The following SDK2 variants were observed in gnomAD, a reference collection of about 807,000 sequenced individuals.
SDK2 encodes sidekick cell adhesion molecule 2.
SDK2 carries 105 observed loss-of-function variants against 253.9 expected under a neutral mutation model. The observed-to-expected ratio is 0.41, with a 90% CI of 0.35 to 0.49. The LOEUF is 0.49. Among genes scored for constraint, SDK2 ranks in the 20% least tolerant of loss-of-function variants. SDK2 has a pLI of 0.06. For synonymous variants in SDK2, 1,249 were observed against 1,234.9 expected (o/e 1.01, Z -0.24); for missense variants, 2,608 against 3,003.0 (o/e 0.87, Z 3.07).
chr17:73,393,176 C>T (rs1268200396), intron 27 of SDK2, among the ~76,000 whole-genome samples: 3 of 123,350 alleles, frequency 2.4e-5, no homozygotes, highest in East Asian at 2.8e-4. Flanking sequence ...ACCTGGGAGG[C>T]GGAGGTTGTA....
intron 3 of SDK2, among the ~76,000 whole-genome samples, chr17:73,463,573 T>C (rs6501642): frequency 0.99 from 150,666 of 152,300 alleles, 74,539 homozygotes; most frequent in Middle Eastern, 1. Context: ...AATATTGAGG[T>C]CATGTGCCTT....
intron 3 of SDK2, among the ~76,000 whole-genome samples, chr17:73,464,557 C>A (rs1165285122): frequency 6.6e-6 from 1 of 152,216 alleles, no homozygotes; most frequent in African/African-American, 2.4e-5. Flanking sequence ...CGGGATCTGT[C>A]CCCAAGTTCT....
At chr17:73,469,126 C>G (rs916067777) in intron 3 of SDK2, among the ~76,000 whole-genome samples, 2 of 152,146 alleles carry the variant, frequency 1.3e-5, no homozygotes, top group Admixed American at 1.3e-4. Context: ...CCTGGCCAGA[C>G]CACTCTTTTT....
In SDK2 at chr17:73,423,388, T is replaced by G; in HGVS notation, c.1895A>C (p.Asn632Thr). The G allele has an allele frequency of 6.8e-7, 1 of 1,472,270 alleles. No homozygotes were observed. The highest frequency in any genetic ancestry group is 1.4e-5 in the African/African-American group (1 of 71,116). The allele number at this position is 1,472,270 out of a possible 1,614,324, so 91.2% of individuals were successfully genotyped here. A position where few individuals can be genotyped will look rare whatever the true frequency, so the allele number is the denominator to read the frequency against. ...GGAGGTGACCACGGGAAGCTTACTG[T>G]TCTCCGACATCTCCAGAATGTAGCG... ...LIRYILEMSE[N>T]NAPWTVLLAS... The change falls in exon 14 of 45, where the codon AAC becomes ACC. Residue 632 changes from asparagine (N) to threonine (T), a missense_variant and splice_region_variant. Asn to Thr is a moderately conservative substitution (Grantham distance 65, BLOSUM62 0). This residue lies in a region of SDK2 where 1,505 missense variants were observed against 1,859.1 expected (regional missense o/e 0.81). Coordinates refer to ENST00000392650, the MANE Select transcript of SDK2 (RefSeq NM_001144952.2).
intron 1 of SDK2, among the ~76,000 whole-genome samples, chr17:73,561,084 GC>G (rs2045225726): frequency 1.3e-5 from 2 of 152,192 alleles, no homozygotes; most frequent in South Asian, 4.1e-4. Flanking sequence ...TGGTCACTCT[GC>G]CCAAGCTTTT....
intron 1 of SDK2, among the ~76,000 whole-genome samples, chr17:73,584,812 C>T (rs1261966061): frequency 6.6e-6 from 1 of 152,244 alleles, no homozygotes; most frequent in African/African-American, 2.4e-5. Flanking sequence ...CTGCAGGGTT[C>T]CCCTGCCTCT....
At chr17:73,386,102 G>A (rs1249136426) in intron 31 of SDK2, among the ~76,000 whole-genome samples, 185 bp from the exon 32 acceptor site, 6 of 152,178 alleles carry the variant, frequency 3.9e-5, no homozygotes. Flanking sequence ...GGGAGGGACT[G>A]TGAGCTGACT....
rs1029900985 is a variant in SDK2, at chr17:73,620,870, G to A, written c.64+23155C>T. 6.6e-5 allele frequency among the ~76,000 whole-genome samples: 10 copies of A among 152,200 alleles called. No individual in the cohort carries two copies. The East Asian group carries it at 9.6e-4, about 15-fold the overall frequency. On this transcript the variant is annotated intron_variant, in intron 1 of 44. Coordinates refer to ENST00000392650, the MANE Select transcript of SDK2 (RefSeq NM_001144952.2). ...GCCAGGGGCTGGAAAGGAGTGGGGA[G>A]CAACTGCTTAATGGGTAAGGGGTTT...
intron 2 of SDK2, among the ~76,000 whole-genome samples, chr17:73,502,874 G>T (rs999277033): frequency 6.6e-6 from 1 of 152,186 alleles, no homozygotes; most frequent in African/African-American, 2.4e-5. Context: ...TTTTGACAAT[G>T]GAGAAATCTG....
intron 36 of SDK2, among the ~76,000 whole-genome samples, chr17:73,375,092 C>T (rs2062766510): frequency 6.6e-6 from 1 of 152,128 alleles, no homozygotes; most frequent in African/African-American, 2.4e-5. Flanking sequence ...ACAAGGCTCT[C>T]CGTATACCCC....
intron 18 of SDK2, among the ~76,000 whole-genome samples, chr17:73,409,427 G>C (rs893778579): frequency 6.6e-6 from 1 of 151,440 alleles, no homozygotes; most frequent in Non-Finnish European, 1.5e-5. Flanking sequence ...GTTGCAGTGA[G>C]CCGAGATCCA....
chr17:73,550,042 C>T (rs553072677), intron 1 of SDK2, among the ~76,000 whole-genome samples: 87 of 152,130 alleles, frequency 5.7e-4, no homozygotes, highest in Non-Finnish European at 5.4e-4. Context: ...CACTGTGTCC[C>T]GGGGGCACTG....
rs2062422752 is a variant in SDK2 at position 73,340,186 on chromosome 17, T to C, written c.6166-1246A>G. 2.6e-5 allele frequency among the ~76,000 whole-genome samples: 4 copies of C among 152,234 alleles called. No homozygotes were observed. The South Asian group carries it at 8.3e-4, about 32-fold the overall frequency. On this transcript the variant is annotated intron_variant, in intron 44 of 44. Coordinates refer to ENST00000392650, the MANE Select transcript of SDK2 (RefSeq NM_001144952.2). ...GTGCCCAGTCTACCTTTGTTTTCAA[T>C]TGAAGTGAGGTTCACATAACCGAAA... is the stretch of plus-strand genomic sequence containing the variant.
At chr17:73,391,339 TG>T (rs1305648370) in intron 28 of SDK2, 100 bp downstream of exon 28, 2 of 547,092 alleles carry the variant, frequency 3.7e-6, no homozygotes, top group Non-Finnish European at 5.8e-6. Context: ...GGAGGCTCCC[TG>T]GACCTACTCT....
At chr17:73,448,919 T>A (rs934133559) in intron 4 of SDK2, among the ~76,000 whole-genome samples, 2 of 152,090 alleles carry the variant, frequency 1.3e-5, no homozygotes, top group African/African-American at 4.8e-5. Flanking sequence ...CCTTGGCCTC[T>A]CAAAGTACTG....
At chr17:73,376,521 C>T (rs1443177000) in intron 36 of SDK2, among the ~76,000 whole-genome samples, 4 of 152,186 alleles carry the variant, frequency 2.6e-5, no homozygotes, top group African/African-American at 9.7e-5. Flanking sequence ...GATGTCAGTA[C>T]CTTGGTTATC....
chr17:73,484,635 C>G (rs1188226270), intron 2 of SDK2, among the ~76,000 whole-genome samples: 1 of 152,234 alleles, frequency 6.6e-6, no homozygotes, highest in African/African-American at 2.4e-5. Context: ...TTCCACAGCC[C>G]TGGCTGCCAG....
Position 73,455,877 on chromosome 17 carries a change from T to C in SDK2, c.479+29A>G. ...CCTCCTCCCCCAGACACCCCTCCCC[T>C]CCCCGTCCCCTCAGAGCGATGCACT... is the stretch of plus-strand genomic sequence containing the variant. On this transcript the variant is annotated intron_variant, in intron 4 of 44. Coordinates refer to ENST00000392650, the MANE Select transcript of SDK2 (RefSeq NM_001144952.2). The surrounding 1 kb of genome is among the most constrained non-coding windows in gnomAD (Gnocchi z 5.0). 17 of 851,318 alleles carry C rather than the reference T, an allele frequency of 2.0e-5. No homozygotes were observed. The highest frequency in any genetic ancestry group is 9.7e-5 in the Admixed American group (4 of 41,306). The allele number at this position is 851,318 out of a possible 1,614,324, so 52.7% of individuals were successfully genotyped here.
intron 32 of SDK2, 54 bp downstream of exon 32, chr17:73,385,793 C>A: frequency 6.6e-7 from 1 of 1,513,278 alleles, no homozygotes; most frequent in South Asian, 1.2e-5. Flanking sequence ...TTTCCAGTCC[C>A]AGAGCAGAGC....
Sources: allele counts gnomAD v4.1 joint callset (sites outside exome capture counted in the v4.1 genomes callset), GRCh38; gene constraint gnomAD v4.1.1; regional missense constraint gnomAD v4.1.1; non-coding constraint Gnocchi (gnomAD v3.1); transcripts MANE v1.5; gene names NCBI Gene and HGNC (gene_info 2026-07-23, HGNC 2026-07-21).